Variants in FYN observed in about 807,000 individuals in gnomAD.
The protein encoded by FYN is tyrosine-protein kinase Fyn.
A neutral mutation model predicts 70.2 loss-of-function variants in FYN; 10 were observed. That is an observed-to-expected ratio of 0.14 (90% confidence interval 0.09 to 0.24). The LOEUF is 0.24. Ranked by LOEUF, FYN falls within the 10% of genes least tolerant of loss-of-function variation. The probability of loss-of-function intolerance (pLI) is 1.00; values close to 1 mark genes in which losing one functional copy is unlikely to be tolerated. For synonymous variants in FYN, 236 were observed against 248.6 expected (o/e 0.95, Z 0.48); for missense variants, 319 against 673.1 (o/e 0.47, Z 5.82).
At chr6:111,728,452 C>T (rs1266945270) in intron 3 of FYN, among the ~76,000 whole-genome samples, 1 of 141,110 alleles carries the variant, frequency 7.1e-6, no homozygotes, top group Non-Finnish European at 1.6e-5. Flanking sequence ...AATTCCAGAA[C>T]ATTTTCATTG....
chr6:111,867,835 C>T (rs1774159079), intron 1 of FYN, among the ~76,000 whole-genome samples: 1 of 152,216 alleles, frequency 6.6e-6, no homozygotes, highest in Non-Finnish European at 1.5e-5. Context: ...AATACAATCA[C>T]ATCAAAGCCA....
intron 2 of FYN, among the ~76,000 whole-genome samples, chr6:111,842,110 G>A (rs888677341): frequency 1.3e-5 from 2 of 152,084 alleles, no homozygotes; most frequent in Non-Finnish European, 2.9e-5. Context: ...TGTGTGAAAC[G>A]TGACCCTTAC....
chr6:111,858,756 G>A (rs954327631), intron 1 of FYN, among the ~76,000 whole-genome samples: 1 of 150,058 alleles, frequency 6.7e-6, no homozygotes, highest in Admixed American at 6.7e-5. Context: ...AAAGTAAATT[G>A]AATACCAGTT....
At chr6:111,750,529 G>C (rs1802439326) in intron 3 of FYN, among the ~76,000 whole-genome samples, 1 of 152,034 alleles carries the variant, frequency 6.6e-6, no homozygotes, top group Admixed American at 6.5e-5. Flanking sequence ...TTTCTTTACA[G>C]TAATGTGAGA....
intron 2 of FYN, among the ~76,000 whole-genome samples, chr6:111,810,023 A>G (rs985665875): frequency 2.6e-5 from 4 of 152,182 alleles, no homozygotes; most frequent in Admixed American, 2.6e-4. Context: ...ATAAAAAGCA[A>G]TCCTTTCAGT....
chr6:111,813,086 A>G (rs943018091), intron 2 of FYN, among the ~76,000 whole-genome samples: 19 of 152,212 alleles, frequency 1.2e-4, no homozygotes, highest in African/African-American at 4.6e-4. Context: ...CTAATTTTAA[A>G]CCTACAAGTG....
chr6:111,716,500 T>C (rs535783126), intron 4 of FYN, among the ~76,000 whole-genome samples: 37 of 152,308 alleles, frequency 2.4e-4, no homozygotes, highest in African/African-American at 8.4e-4. Context: ...AGTACAGTTA[T>C]AAACCTGGGT....
At chr6:111,764,033 C>G (rs1803110868) in intron 3 of FYN, among the ~76,000 whole-genome samples, 1 of 151,846 alleles carries the variant, frequency 6.6e-6, no homozygotes. Context: ...AAAATAATGA[C>G]AACAATTATC....
At chr6:111,731,960 G>A (rs541099197) in intron 3 of FYN, among the ~76,000 whole-genome samples, 14 of 152,308 alleles carry the variant, frequency 9.2e-5, no homozygotes, top group African/African-American at 3.1e-4. Context: ...GAAATTAAAG[G>A]AGGAACATCA....
chr6:111,844,993 ACAG>A (rs1410387537), intron 2 of FYN: 10 of 152,322 alleles, frequency 6.6e-5, no homozygotes, highest in African/African-American at 2.4e-4. Flanking sequence ...CAGGAAGTTA[ACAG>A]CAGAAGTGAA....
intron 1 of FYN, among the ~76,000 whole-genome samples, chr6:111,866,218 G>A (rs1774100776): frequency 6.6e-6 from 1 of 152,150 alleles, no homozygotes; most frequent in Non-Finnish European, 1.5e-5. Context: ...ACCCTCTGAG[G>A]CAGGAACTAC....
chr6:111,818,090 T>C (rs548953409), intron 2 of FYN, among the ~76,000 whole-genome samples: 3 of 152,354 alleles, frequency 2.0e-5, no homozygotes, highest in Middle Eastern at 3.4e-3. Flanking sequence ...ATTCCAGAAA[T>C]CTGCTGACAG....
chr6:111,850,976 T>G (rs1278285142), intron 1 of FYN, among the ~76,000 whole-genome samples: 1 of 152,260 alleles, frequency 6.6e-6, no homozygotes, highest in African/African-American at 2.4e-5. Context: ...TTCTCCTGTG[T>G]CTTGCTCCAC....
intron 12 of FYN, among the ~76,000 whole-genome samples, chr6:111,685,333 C>A (rs756468994): frequency 6.6e-6 from 1 of 152,226 alleles, no homozygotes; most frequent in South Asian, 2.1e-4. Context: ...TGTGTGGGAA[C>A]AGTTGGAGGT....
chr6:111,703,139 C>G, intron 7 of FYN, 105 bp from the exon 8 acceptor site: 1 of 890,256 alleles, frequency 1.1e-6, no homozygotes, highest in Non-Finnish European at 1.7e-6. Flanking sequence ...AGGATGCACA[C>G]ACACATGTAC....
chr6:111,726,819 T>A (rs1473963161), intron 3 of FYN, among the ~76,000 whole-genome samples: 1 of 152,130 alleles, frequency 6.6e-6, no homozygotes. Flanking sequence ...TGGGGGCAGT[T>A]CCCTCATGCT....
At chr6:111,861,549 C>G (rs562841135) in intron 1 of FYN, among the ~76,000 whole-genome samples, 3 of 151,448 alleles carry the variant, frequency 2.0e-5, no homozygotes, top group African/African-American at 4.9e-5. Flanking sequence ...AGTAAAGCAC[C>G]AGGTACCTCC....
chr6:111,708,401 T>C (rs1022648), intron 5 of FYN, among the ~76,000 whole-genome samples: 20,072 of 152,166 alleles, frequency 0.13, 1,470 homozygotes, highest in South Asian at 0.33. Context: ...GAAGGGAAGC[T>C]TTTTAGGAGG....
At chr6:111,781,540 G>T (rs942649812) in intron 2 of FYN, among the ~76,000 whole-genome samples, 3 of 152,132 alleles carry the variant, frequency 2.0e-5, no homozygotes, top group Non-Finnish European at 4.4e-5. Context: ...TACCTGTCGA[G>T]TCATGTTAGC....
Sources: allele counts gnomAD v4.1 joint callset (sites outside exome capture counted in the v4.1 genomes callset), GRCh38; gene constraint gnomAD v4.1.1; transcripts MANE v1.5; gene names NCBI Gene and HGNC (gene_info 2026-07-23, HGNC 2026-07-21).